The following FBLN5 variants were observed in gnomAD, a reference collection of about 807,000 sequenced individuals.
FBLN5 encodes the protein fibulin 5.
FBLN5 carries 24 observed loss-of-function variants against 61.6 expected under a neutral mutation model. The ratio of observed to expected loss-of-function variants is 0.39; its 90% CI spans 0.28 to 0.55. The LOEUF (loss-of-function observed/expected upper bound fraction) is 0.55. Ranked by LOEUF, FBLN5 falls within the 20% of genes least tolerant of loss-of-function variation. FBLN5 has a pLI of 0.65. For missense variants in FBLN5, 470 were observed against 594.1 expected, an observed-to-expected ratio of 0.79 and a Z score of 2.17; for synonymous variants, 213 against 219.8, an observed-to-expected ratio of 0.97 and a Z score of 0.27.
chr14:91,894,861 TCAGGCA>T, intron 5 of FBLN5, 83 bp downstream of exon 5: 1 of 613,332 alleles, frequency 1.6e-6, no homozygotes, highest in Non-Finnish European at 2.4e-6. Flanking sequence ...CTTACTACCC[TCAGGCA>T]GCCAGCTATG....
At chr14:91,895,242 C>G (rs182103050) in intron 4 of FBLN5, among the ~76,000 whole-genome samples, 170 bp from the exon 5 acceptor site, 3 of 152,134 alleles carry the variant, frequency 2.0e-5, no homozygotes, top group Non-Finnish European at 2.9e-5. Context: ...AGACACTGAC[C>G]TCTACTGAAG....
intron 5 of FBLN5, among the ~76,000 whole-genome samples, chr14:91,894,420 AAAAAAAAC>A (rs1890128305): frequency 1.4e-5 from 2 of 142,448 alleles, no homozygotes; most frequent in South Asian, 4.5e-4. Flanking sequence ...AAAAAAAAAA[AAAAAAAAC>A]CGAAAAAAAC....
At chr14:91,888,864 C>T (rs566550452) in intron 6 of FBLN5, among the ~76,000 whole-genome samples, 1 of 152,200 alleles carries the variant, frequency 6.6e-6, no homozygotes, top group Admixed American at 6.5e-5. Context: ...AAGCACCATC[C>T]CACAATGCTC....
intron 4 of FBLN5, among the ~76,000 whole-genome samples, chr14:91,911,004 T>TTTTGAG (rs1890900867): frequency 1.4e-5 from 2 of 146,838 alleles, no homozygotes; most frequent in Non-Finnish European, 3.0e-5. Flanking sequence ...TTTTTTTTAA[T>TTTTGAG]ACAGAGTCTC....
Position 91,916,361 on chromosome 14 carries a change from C to T in FBLN5, c.379+20586G>A, listed in dbSNP as rs562578913. Among the ~76,000 whole-genome samples the T allele has an allele frequency of 6.6e-5, 10 of 152,260 alleles. No individual in the cohort carries two copies. The South Asian group carries it at 1.9e-3, about 28-fold the overall frequency. The stretch of plus-strand genomic sequence containing the variant: ...TACTCAGGAGGCTGAGACAGAGAAT[C>T]GCTTGAACGTGGGAGGCGGAGGTTG... On this transcript the variant is annotated intron_variant, in intron 4 of 10. Coordinates refer to ENST00000342058, the MANE Select transcript of FBLN5 (RefSeq NM_006329.4).
Position 91,920,135 on chromosome 14 carries a change from C to T in FBLN5, c.379+16812G>A, listed in dbSNP as rs117793094. On this transcript the variant is annotated intron_variant, in intron 4 of 10. Transcript: ENST00000342058. ...CAATCCTGGCAAGCCTTCCCTCCTC[C>T]TCAGAGTCAAAAGCCAAGTTGCACT... Among the ~76,000 whole-genome samples, 1,043 of 152,276 alleles carry T rather than the reference C, an allele frequency of 6.8e-3. 2 individuals carry two copies. Among genetic ancestry groups the T allele is most frequent in the Non-Finnish European group, 8.8e-3 (600 of 68,030 alleles).
rs886050885 is a variant in FBLN5, at chr14:91,869,449, T to G, written c.*775A>C. Reference sequence around the variant, plus strand: ...TTAATCAGTTTGGAGACCTCTGCATTCCAATCCAATTGGGTAAAAATTCTA... The same window carrying G: ...TTAATCAGTTTGGAGACCTCTGCATGCCAATCCAATTGGGTAAAAATTCTA... On this transcript the variant is annotated 3_prime_UTR_variant, in exon 11 of 11. Coordinates refer to ENST00000342058, the MANE Select transcript of FBLN5 (RefSeq NM_006329.4). The G allele has an allele frequency of 6.6e-6, 1 of 152,488 alleles. No homozygotes were observed. The highest frequency in any genetic ancestry group is 1.5e-5 in the Non-Finnish European group (1 of 68,298). 9.4% of individuals were successfully genotyped at this position (152,488 alleles called of 1,614,324 possible).
At chr14:91,901,701 G>C (rs763641542) in intron 4 of FBLN5, among the ~76,000 whole-genome samples, 1 of 152,156 alleles carries the variant, frequency 6.6e-6, no homozygotes, top group African/African-American at 2.4e-5. Flanking sequence ...CGAATTCCTA[G>C]GGCATCTGCA....
chr14:91,915,916 C>T (rs1331267100), intron 4 of FBLN5, among the ~76,000 whole-genome samples: 1 of 151,908 alleles, frequency 6.6e-6, no homozygotes, highest in African/African-American at 2.4e-5. Flanking sequence ...TATGTGGACA[C>T]CAAAACTAGT....
chr14:91,895,737 G>A (rs1890195172), intron 4 of FBLN5, among the ~76,000 whole-genome samples: 1 of 146,802 alleles, frequency 6.8e-6, no homozygotes, highest in African/African-American at 2.6e-5. Flanking sequence ...GGTGGAGGCT[G>A]CAGTGAGCCG....
rs2056016672 is a variant in FBLN5 at position 91,936,413 on chromosome 14, C to T, written c.379+534G>A. Among the ~76,000 whole-genome samples the T allele has an allele frequency of 2.0e-5, 3 of 152,172 alleles. No individual in the cohort carries two copies. In the South Asian group the frequency reaches 6.2e-4, roughly 32 times the overall value. On this transcript the variant is annotated intron_variant, in intron 4 of 10. Transcript: ENST00000342058. ...TTGCTGTGAGTTCCTATCAGTGAGGCTCCTTTTGGTCACAAGCACATTAGT... is the reference window on the plus strand; with the variant it reads ...TTGCTGTGAGTTCCTATCAGTGAGGTTCCTTTTGGTCACAAGCACATTAGT...
At chr14:91,892,424 T>C (rs567586514) in intron 5 of FBLN5, among the ~76,000 whole-genome samples, 1 of 152,306 alleles carries the variant, frequency 6.6e-6, no homozygotes, top group South Asian at 2.1e-4. Flanking sequence ...AGAGCCTCAG[T>C]CCTTGTGCCT....
chr14:91,917,952 A>G (rs1267636913), intron 4 of FBLN5, among the ~76,000 whole-genome samples: 1 of 152,226 alleles, frequency 6.6e-6, no homozygotes, highest in East Asian at 1.9e-4. Flanking sequence ...TGTAAGGTAC[A>G]ATGGAATGGG....
At position 91,928,601 on chromosome 14, in the gene FBLN5, G is replaced by A. The variant is rs115827335; in HGVS notation, c.379+8346C>T. Among the ~76,000 whole-genome samples the A allele has an allele frequency of 5.3e-3, 809 of 151,850 alleles. 6 individuals are homozygous for A. The highest frequency in any genetic ancestry group is 0.019 in the African/African-American group (775 of 41,364). On this transcript the variant is annotated intron_variant, in intron 4 of 10. Coordinates refer to ENST00000342058, the MANE Select transcript of FBLN5 (RefSeq NM_006329.4). ...AGCCTGGACAACATAGCAAGACCCT[G>A]TCTCTACAAAAGATACAAAAGTTAG...
chr14:91,881,740 C>T (rs1282987036), intron 8 of FBLN5, among the ~76,000 whole-genome samples: 3 of 151,460 alleles, frequency 2.0e-5, no homozygotes, highest in Admixed American at 6.6e-5. Flanking sequence ...CCGGCCTGGG[C>T]AACAAAGCAA....
intron 10 of FBLN5, among the ~76,000 whole-genome samples, chr14:91,875,627 G>A (rs1889128699): frequency 6.6e-6 from 1 of 152,152 alleles, no homozygotes; most frequent in Non-Finnish European, 1.5e-5. Flanking sequence ...GGCTACAATC[G>A]GGGAGGAGCC....
At chr14:91,918,558 T>C (rs2055669693) in intron 4 of FBLN5, among the ~76,000 whole-genome samples, 1 of 152,216 alleles carries the variant, frequency 6.6e-6, no homozygotes, top group Non-Finnish European at 1.5e-5. Context: ...TTGTAGATTC[T>C]TCTGTTGACC....
intron 2 of FBLN5, 91 bp downstream of exon 2, chr14:91,942,816 C>T: frequency 1.2e-6 from 1 of 823,780 alleles, no homozygotes. Flanking sequence ...CTCCCACCCC[C>T]ACAAACCTAG....
chr14:91,875,084 C>G (rs1027785549), intron 10 of FBLN5, among the ~76,000 whole-genome samples: 45 of 152,322 alleles, frequency 3.0e-4, no homozygotes, highest in Admixed American at 4.6e-4. Flanking sequence ...CCCACTTCAG[C>G]CTCCAGAGTA....
Sources: gnomAD v4.1 joint callset for allele counts (sites outside exome capture counted in the v4.1 genomes callset) on GRCh38, gnomAD v4.1.1 for gene constraint, MANE v1.5 for transcripts, NCBI Gene and HGNC (gene_info 2026-07-23, HGNC 2026-07-21) for gene names.